Variants in TENM2 observed in about 807,000 individuals in gnomAD.
TENM2 encodes the protein teneurin transmembrane protein 2, also known as teneurin-2.
In TENM2, 52 loss-of-function variants were observed where a neutral mutation model predicts 245.2. The observed-to-expected ratio is 0.21, with a 90% CI of 0.17 to 0.27. The LOEUF is 0.27. Ranked by LOEUF, TENM2 falls within the 10% of genes least tolerant of loss-of-function variation. TENM2 has a pLI of 1.00. For synonymous variants in TENM2, 1,363 were observed against 1,438.9 expected, an observed-to-expected ratio of 0.95 and a Z score of 1.19; for missense variants, 3,046 against 3,666.8, an observed-to-expected ratio of 0.83 and a Z score of 4.37.
At chr5:167,945,055 G>A (rs1779499250) in intron 3 of TENM2, among the ~76,000 whole-genome samples, 1 of 152,172 alleles carries the variant, frequency 6.6e-6, no homozygotes, top group East Asian at 1.9e-4. Flanking sequence ...TAGGGATAGA[G>A]GCAGAAATCT....
intron 1 of TENM2, among the ~76,000 whole-genome samples, chr5:167,329,871 A>C (rs550050797): frequency 6.6e-6 from 1 of 152,238 alleles, no homozygotes; most frequent in East Asian, 1.9e-4. Context: ...TTAGTTTTTC[A>C]TATCCCTAAT....
At chr5:168,030,329 A>T (rs1316324936) in intron 5 of TENM2, among the ~76,000 whole-genome samples, 1 of 151,736 alleles carries the variant, frequency 6.6e-6, no homozygotes, top group Non-Finnish European at 1.5e-5. Flanking sequence ...CCACCTTCAT[A>T]GAAACAGACA....
At chr5:167,087,285 T>G in the TENM2 span, among the ~76,000 whole-genome samples, 1 of 152,336 alleles carries the variant, frequency 6.6e-6, no homozygotes, top group Admixed American at 6.5e-5. Context: ...CCTTTCCTTC[T>G]GTGCCATTTA....
intron 4 of TENM2, among the ~76,000 whole-genome samples, chr5:167,967,749 G>A (rs974590834): frequency 6.6e-6 from 1 of 152,146 alleles, no homozygotes. Flanking sequence ...TGTAAATGTC[G>A]AAGACTCTGG....
In TENM2 at chr5:167,929,097, GAAAGAAAGAAAGAAAGAAAGAA is replaced by G. The variant is rs1778053093; in HGVS notation, c.713-23489_713-23468del. ...AGAAAGAAAGAAAGAAAGAAAGAAA[GAAAGAAAGAAAGAAAGAAAGAA>G]AGAAAGAAAGAAAAGAAAGAAGGGA... On this transcript the variant is annotated intron_variant, in intron 3 of 28. Transcript: ENST00000518659. Among the ~76,000 whole-genome samples the G allele has an allele frequency of 3.3e-5, 3 of 90,516 alleles. No homozygotes were observed. In the South Asian group the frequency reaches 1.2e-3, roughly 37 times the overall value. The allele number at this position is 90,516 out of a possible 152,430, so 59.4% of individuals were successfully genotyped here.
At chr5:167,462,496 A>T (rs182568690) in intron 2 of TENM2, among the ~76,000 whole-genome samples, 3 of 152,196 alleles carry the variant, frequency 2.0e-5, no homozygotes, top group Non-Finnish European at 4.4e-5. Flanking sequence ...CGGACATACT[A>T]AAGGATGGTG....
the TENM2 span, among the ~76,000 whole-genome samples, chr5:167,061,618 C>T: frequency 6.6e-6 from 1 of 152,064 alleles, no homozygotes; most frequent in African/African-American, 2.4e-5. Flanking sequence ...ACATCCACAG[C>T]AGTGACAAAT....
chr5:167,651,108 A>T (rs1754429301), intron 2 of TENM2, among the ~76,000 whole-genome samples: 1 of 151,936 alleles, frequency 6.6e-6, no homozygotes, highest in East Asian at 2.0e-4. Flanking sequence ...CTGAAGAAAA[A>T]CAATTAGATG....
At chr5:167,734,333 C>T (rs1760648824) in intron 2 of TENM2, among the ~76,000 whole-genome samples, 1 of 151,834 alleles carries the variant, frequency 6.6e-6, no homozygotes, top group South Asian at 2.1e-4. Context: ...CTCAAAGGTC[C>T]TTTTAAAAAA....
At chr5:168,034,909 G>A (rs539242541) in intron 5 of TENM2, among the ~76,000 whole-genome samples, 28 of 152,322 alleles carry the variant, frequency 1.8e-4, no homozygotes, top group African/African-American at 6.3e-4. Flanking sequence ...TATAATTGAA[G>A]AACTGAATTA....
the TENM2 span, among the ~76,000 whole-genome samples, chr5:167,086,918 AACACACACACGCACACAC>A: frequency 1.3e-4 from 14 of 110,028 alleles, no homozygotes; most frequent in African/African-American, 5.5e-4. Context: ...AGGAAACTCT[AACACACACACGCACACAC>A]ACACACACAC....
chr5:168,027,849 TTCTTCCTGTCTAAGAAGTGTAGCACA>T (rs1276482413), intron 5 of TENM2, among the ~76,000 whole-genome samples: 1 of 152,240 alleles, frequency 6.6e-6, no homozygotes, highest in Non-Finnish European at 1.5e-5. Context: ...CAACTGTTTG[TTCTTCCTGTCTAAGAAGTGTAGCACA>T]TAGGTACTAC....
chr5:167,901,289 A>G (rs577209839), intron 3 of TENM2, among the ~76,000 whole-genome samples: 2 of 152,304 alleles, frequency 1.3e-5, no homozygotes, highest in East Asian at 1.9e-4. Context: ...TACTCAATAA[A>G]TGTTGATGTA....
At chr5:167,330,458 T>G (rs932589980) in intron 1 of TENM2, among the ~76,000 whole-genome samples, 5 of 152,128 alleles carry the variant, frequency 3.3e-5, no homozygotes, top group Admixed American at 3.3e-4. Context: ...AGTAGAAGAC[T>G]TGTAGCAGTT....
At chr5:167,557,727 A>G (rs1273380128) in intron 2 of TENM2, among the ~76,000 whole-genome samples, 3 of 151,304 alleles carry the variant, frequency 2.0e-5, no homozygotes, top group African/African-American at 7.3e-5. Flanking sequence ...GACATTCTTG[A>G]TTGCCATGGC....
intron 2 of TENM2, among the ~76,000 whole-genome samples, chr5:167,722,145 GAA>G (rs1759671958): frequency 6.6e-6 from 1 of 152,148 alleles, no homozygotes; most frequent in Non-Finnish European, 1.5e-5. Flanking sequence ...CTCACTTAGA[GAA>G]GCTCAACTGA....
chr5:167,535,225 G>C (rs1648833509), intron 2 of TENM2, among the ~76,000 whole-genome samples: 2 of 151,904 alleles, frequency 1.3e-5, no homozygotes, highest in African/African-American at 2.4e-5. Context: ...TAGCCACACT[G>C]TAACAGAGGT....
chr5:168,254,489 AGGAAGAGGAAGAAGG>A (rs1767456611), intron 27 of TENM2, among the ~76,000 whole-genome samples: 1 of 151,320 alleles, frequency 6.6e-6, no homozygotes. Flanking sequence ...GGGGAGGAAG[AGGAAGAGGAAGAAGG>A]GGAGGAAGAG....
chr5:167,414,560 C>T (rs1446245077), intron 2 of TENM2, among the ~76,000 whole-genome samples: 2 of 151,892 alleles, frequency 1.3e-5, no homozygotes, highest in African/African-American at 4.8e-5. Flanking sequence ...GTAGTAGGGG[C>T]CCTGGTTCGC....
Sources: allele counts gnomAD v4.1 joint callset (sites outside exome capture counted in the v4.1 genomes callset), GRCh38; gene constraint gnomAD v4.1.1; transcripts MANE v1.5; gene names NCBI Gene and HGNC (gene_info 2026-07-23, HGNC 2026-07-21).